The following ANKRD11 variants were observed in gnomAD, a reference collection of about 807,000 sequenced individuals.
ANKRD11 encodes the protein ankyrin repeat domain-containing protein 11.
Under a neutral mutation model 195.7 loss-of-function variants are expected in ANKRD11, and 17 were observed. That is an observed-to-expected ratio of 0.09 (90% CI 0.06 to 0.13). The LOEUF (loss-of-function observed/expected upper bound fraction) is 0.13, where lower values mean the gene tolerates loss of function less well. ANKRD11 is among the 10% of genes least tolerant of loss of function. ANKRD11 has a pLI of 1.00. For missense variants in ANKRD11, 3,735 were observed against 3,566.1 expected, an observed-to-expected ratio of 1.05 and a Z score of -1.21; for synonymous variants, 1,953 against 1,528.1, an observed-to-expected ratio of 1.28 and a Z score of -6.49.
At chr16:89,402,775 G>C (rs866085153) in intron 2 of ANKRD11, among the ~76,000 whole-genome samples, 1 of 143,036 alleles carries the variant, frequency 7.0e-6, no homozygotes, top group African/African-American at 2.6e-5. Context: ...TGAGGGGACA[G>C]CTCTGTGGGA....
At position 89,280,995 on chromosome 16, in the gene ANKRD11, C is replaced by T. The variant is rs747701178; in HGVS notation, c.5547G>A (p.Gly1849=). Residue 1849 remains glycine (G), a synonymous_variant, in exon 9 of 13, where the codon GGG becomes GGA. Coordinates refer to ENST00000301030, the MANE Select transcript of ANKRD11 (RefSeq NM_013275.6). The stretch of plus-strand genomic sequence containing the variant: ...GGAGGCCATAGTCTGGGGAGTAGTA[C>T]CCTGGCGACAAGCAGGCAAACTTCT... ...PAEKFACLSP[G]YYSPDYGLPS... 5.7e-6 allele frequency: 9 copies of T among 1,579,872 alleles called. No homozygotes were observed. Among genetic ancestry groups the T allele is most frequent in the Non-Finnish European group, 7.8e-6 (9 of 1,161,276 alleles).
Position 89,284,064 on chromosome 16 carries a change from A to G in ANKRD11, c.2478T>C (p.Asn826=), listed in dbSNP as rs918732832. Residue 826 remains asparagine, a synonymous_variant, in exon 9 of 13, where the codon AAT becomes AAC. Coordinates refer to ENST00000301030, the MANE Select transcript of ANKRD11 (RefSeq NM_013275.6). ...CAGAAAGGCTAAATTTGGTGTCTTC[A>G]TTCTCCAGAAACTGATTTTTGTTAC... The part of the protein sequence containing the change: ...EYCNKNQFLE[N]EDTKFSLSDD... The G allele has an allele frequency of 3.1e-6, 5 of 1,614,152 alleles. No homozygotes were observed. The highest frequency in any genetic ancestry group is 4.5e-5 in the East Asian group (2 of 44,880).
chr16:89,324,639 T>G (rs1439202082), intron 2 of ANKRD11: 3 of 390,344 alleles, frequency 7.7e-6, no homozygotes, highest in African/African-American at 4.2e-5. Flanking sequence ...TGGCTGAGTC[T>G]TCCAGCCTCC....
chr16:89,283,783 C>T lies in ANKRD11; in HGVS notation c.2759G>A (p.Arg920Lys), dbSNP rs773527879. Reference protein sequence around the residue: ...RDYLDKNSEKRKEQTEKHKSV... With the variant: ...RDYLDKNSEKKKEQTEKHKSV... The stretch of plus-strand genomic sequence containing the variant: ...TTTATGCTTTTCGGTCTGCTCTTTC[C>T]TCTTCTCAGAGTTTTTATCCAAATA... The change falls in exon 9 of 13, where the codon AGG becomes AAG. Residue 920 changes from arginine to lysine, a missense_variant. Physicochemically the swap from Arg to Lys is conservative, Grantham distance 26. Coordinates refer to ENST00000301030, the MANE Select transcript of ANKRD11 (RefSeq NM_013275.6). The surrounding 1 kb of genome is among the most constrained non-coding windows in gnomAD (Gnocchi z 4.3). 4.3e-6 allele frequency: 7 copies of T among 1,613,528 alleles called. No homozygotes were observed. The highest frequency in any genetic ancestry group is 5.9e-6 in the Non-Finnish European group (7 of 1,179,790).
chr16:89,267,696 C>T lies in ANKRD11; in HGVS notation c.*782G>A, dbSNP rs9652637. On this transcript the variant is annotated 3_prime_UTR_variant, in exon 13 of 13. Transcript: ENST00000301030. ...GATGTTACAGTACATAAGTTATTTA[C>T]AACTGTGCAGTAATGTGTTGCAAAA... is the stretch of plus-strand genomic sequence containing the variant. 1 of 138,752 alleles carries T rather than the reference C, an allele frequency of 7.2e-6. No individual in the cohort carries two copies. Among genetic ancestry groups the T allele is most frequent in the Admixed American group, 7.0e-5 (1 of 14,228 alleles). 8.6% of individuals were successfully genotyped at this position (138,752 alleles called of 1,614,324 possible). A position where few individuals can be genotyped will look rare whatever the true frequency, so the allele number is the denominator to read the frequency against.
chr16:89,443,521 A>T (rs1266989682), intron 1 of ANKRD11: 2 of 152,202 alleles, frequency 1.3e-5, no homozygotes, highest in Admixed American at 1.3e-4. Flanking sequence ...CCATTCCCAC[A>T]GCAAGCACCA....
chr16:89,450,106 T>A (rs2044002504), intron 1 of ANKRD11, among the ~76,000 whole-genome samples: 1 of 152,198 alleles, frequency 6.6e-6, no homozygotes, highest in African/African-American at 2.4e-5. Flanking sequence ...TGTGTCACAC[T>A]CTGCTCCAGC....
At position 89,346,250 on chromosome 16, in the gene ANKRD11, GAAAAAA is replaced by G. The variant is rs35573539; in HGVS notation, c.-59-29178_-59-29173del. Among the ~76,000 whole-genome samples, 185 of 96,868 alleles carry G rather than the reference GAAAAAA, an allele frequency of 1.9e-3. 1 individual carries two copies. Among genetic ancestry groups the G allele is most frequent in the African/African-American group, 7.3e-3 (179 of 24,614 alleles). 63.5% of individuals were successfully genotyped at this position (96,868 alleles called of 152,430 possible). On this transcript the variant is annotated intron_variant, in intron 2 of 12. Transcript: ENST00000301030. The stretch of plus-strand genomic sequence containing the variant: ...GCGACAGAGGGAGACCCCGTCTCAG[GAAAAAA>G]AAAAAAAAAAAAAAGAATCAACACA...
In ANKRD11 at chr16:89,283,650, G is replaced by A. The variant is rs754173208; in HGVS notation, c.2892C>T (p.Gly964=). The A allele has an allele frequency of 6.2e-7, 1 of 1,611,232 alleles. No individual in the cohort carries two copies. Among genetic ancestry groups the A allele is most frequent in the Admixed American group, 1.7e-5 (1 of 60,012 alleles). ...ALESCKERRD[G]RAKPEEAHRE... is the part of the protein sequence containing the mutation. ...GGTGCGCCTCCTCGGGCTTGGCCCT[G>A]CCGTCCCTGCGCTCCTTGCAGCTCT... Residue 964 remains glycine (G), a synonymous_variant, in exon 9 of 13, where the codon GGC becomes GGT. Transcript: ENST00000301030. The surrounding 1 kb of genome is among the most constrained non-coding windows in gnomAD (Gnocchi z 4.3).
chr16:89,476,995 G>C (rs1011705594), intron 1 of ANKRD11, among the ~76,000 whole-genome samples: 2 of 152,200 alleles, frequency 1.3e-5, no homozygotes, highest in Non-Finnish European at 2.9e-5. Context: ...AGAGATGAAA[G>C]GGGAAGTGAG....
chr16:89,282,769 T>C lies in ANKRD11; in HGVS notation c.3773A>G (p.Glu1258Gly), dbSNP rs1597454702. Reference sequence around the variant, plus strand: ...CTTGGAATGTTCTTTGTCCGACTTCTCTTTGTGTTTGCTTTTAGCCTTGTC... The same window carrying C: ...CTTGGAATGTTCTTTGTCCGACTTCCCTTTGTGTTTGCTTTTAGCCTTGTC... ...AEDKAKSKHKEKSDKEHSKER... is the reference protein window; with the variant it reads ...AEDKAKSKHKGKSDKEHSKER... Residue 1258 changes from glutamate to glycine, a missense_variant, in exon 9 of 13, where the codon GAG becomes GGG. Coordinates refer to ENST00000301030, the MANE Select transcript of ANKRD11 (RefSeq NM_013275.6). The C allele has an allele frequency of 1.2e-6, 2 of 1,612,934 alleles. No homozygotes were observed. Among genetic ancestry groups the C allele is most frequent in the East Asian group, 2.2e-5 (1 of 44,882 alleles).
intron 4 of ANKRD11, among the ~76,000 whole-genome samples, chr16:89,303,371 C>T (rs924100720): frequency 3.3e-5 from 5 of 152,224 alleles, no homozygotes; most frequent in Non-Finnish European, 1.5e-5. Context: ...GGCCTAAAGC[C>T]CGAGAGTACA....
chr16:89,396,440 C>T lies in ANKRD11; in HGVS notation c.-60+21844G>A, dbSNP rs139372411. The stretch of plus-strand genomic sequence containing the variant: ...CCCCTGCTGCTGGAAACGCTCACAG[C>T]ACAAACACCTGCTGGGTTTTGGTGT... On this transcript the variant is annotated intron_variant, in intron 2 of 12. Coordinates refer to ENST00000301030, the MANE Select transcript of ANKRD11 (RefSeq NM_013275.6). Among the ~76,000 whole-genome samples the T allele has an allele frequency of 4.6e-3, 694 of 152,286 alleles. 6 individuals are homozygous for T. Among genetic ancestry groups the T allele is most frequent in the African/African-American group, 0.015 (639 of 41,556 alleles).
At chr16:89,274,119 G>A (rs2033428359) in intron 11 of ANKRD11, among the ~76,000 whole-genome samples, 1 of 152,238 alleles carries the variant, frequency 6.6e-6, no homozygotes, top group African/African-American at 2.4e-5. Context: ...TGAGGCAGGA[G>A]TCCCTGGCAC....
At chr16:89,464,930 C>A (rs2056832477) in intron 1 of ANKRD11, among the ~76,000 whole-genome samples, 1 of 152,194 alleles carries the variant, frequency 6.6e-6, no homozygotes, top group Non-Finnish European at 1.5e-5. Context: ...GGGGAAACCA[C>A]CTGGGGGTCA....
rs577367738 is a variant in ANKRD11, at chr16:89,345,316, G to A, written c.-59-28238C>T. ...CACGACAAACGGATGGAAAGCACTC[G>A]ACCCCACAGAGCTCAGTGCCGACAC... On this transcript the variant is annotated intron_variant, in intron 2 of 12. Transcript: ENST00000301030. Among the ~76,000 whole-genome samples, 6 of 127,064 alleles carry A rather than the reference G, an allele frequency of 4.7e-5. No individual in the cohort carries two copies. In the East Asian group the frequency reaches 1.0e-3, roughly 22 times the overall value. The allele number at this position is 127,064 out of a possible 152,430, so 83.4% of individuals were successfully genotyped here. A position where few individuals can be genotyped will look rare whatever the true frequency, so the allele number is the denominator to read the frequency against.
chr16:89,414,024 G>A (rs561167662), intron 2 of ANKRD11, among the ~76,000 whole-genome samples: 121 of 149,322 alleles, frequency 8.1e-4, no homozygotes, highest in African/African-American at 2.8e-3. Context: ...CCACCACCAC[G>A]GGCCTGCACA....
At chr16:89,287,231 C>A in intron 7 of ANKRD11, 1 of 564,984 alleles carries the variant, frequency 1.8e-6, no homozygotes, top group South Asian at 1.8e-5. Flanking sequence ...TGCGGCCCTC[C>A]TCGGGTTCTA....
intron 1 of ANKRD11, among the ~76,000 whole-genome samples, chr16:89,418,895 G>A (rs1024769038): frequency 4.6e-5 from 7 of 151,382 alleles, no homozygotes; most frequent in South Asian, 2.1e-4. Context: ...TCAGCCTCCC[G>A]AGTAGATGGG....
Sources: gnomAD v4.1 joint callset for allele counts (sites outside exome capture counted in the v4.1 genomes callset) on GRCh38, gnomAD v4.1.1 for gene constraint, Gnocchi (gnomAD v3.1) non-coding constraint, MANE v1.5 for transcripts, NCBI Gene and HGNC (gene_info 2026-07-23, HGNC 2026-07-21) for gene names.